AAK1: variants seen among roughly 807,000 people sequenced by gnomAD.
AAK1 encodes the protein AP2 associated kinase 1, also known as AP2-associated protein kinase 1.
In AAK1, 37 loss-of-function variants were observed where a neutral mutation model predicts 116.0. That is an observed-to-expected ratio of 0.32 (90% CI 0.25 to 0.42). The LOEUF is 0.42. Among genes scored for constraint, AAK1 ranks in the 10% least tolerant of loss-of-function variants. AAK1 has a pLI of 1.00. For synonymous variants in AAK1, 458 were observed against 439.9 expected, an observed-to-expected ratio of 1.04 and a Z score of -0.51; for missense variants, 919 against 1,170.6, an observed-to-expected ratio of 0.79 and a Z score of 3.14.
intron 2 of AAK1, among the ~76,000 whole-genome samples, chr2:69,596,748 C>T (rs1292028832): frequency 6.6e-6 from 1 of 152,196 alleles, no homozygotes; most frequent in Admixed American, 6.5e-5. Context: ...GTTCCCTGCT[C>T]AGGTGAGTGC....
chr2:69,621,915 G>A (rs1048621455), intron 2 of AAK1, among the ~76,000 whole-genome samples: 6 of 152,218 alleles, frequency 3.9e-5, no homozygotes, highest in Admixed American at 6.5e-5. Context: ...AGGTGACAGC[G>A]TGCTGGCAGC....
At chr2:69,529,456 C>T (rs1286860706) in intron 8 of AAK1, among the ~76,000 whole-genome samples, 5 of 151,898 alleles carry the variant, frequency 3.3e-5, no homozygotes, top group Non-Finnish European at 7.4e-5. Flanking sequence ...AATGTTAGTA[C>T]ATATGCTTGC....
chr2:69,590,322 C>T (rs1316071761), intron 2 of AAK1, among the ~76,000 whole-genome samples: 2 of 152,242 alleles, frequency 1.3e-5, no homozygotes, highest in Non-Finnish European at 2.9e-5. Context: ...TCCGTAGCAG[C>T]AGAAATGCTA....
intron 2 of AAK1, among the ~76,000 whole-genome samples, chr2:69,586,931 C>A (rs922435872): frequency 2.0e-5 from 3 of 152,230 alleles, no homozygotes; most frequent in Admixed American, 6.5e-5. Flanking sequence ...GCTGTGAGAA[C>A]CAATGCACCA....
At position 69,470,398 on chromosome 2, in the gene AAK1, T is replaced by C. The variant is rs1316603994; in HGVS notation, c.*5471A>G. 3.0e-6 allele frequency: 3 copies of C among 985,318 alleles called. No homozygotes were observed. Among genetic ancestry groups the C allele is most frequent in the Non-Finnish European group, 3.6e-6 (3 of 829,942 alleles). 61.0% of individuals were successfully genotyped at this position (985,318 alleles called of 1,614,324 possible). ...ACGTACATCAAACTAATAATTACCATGACCTTCTAGCTCACATAACAAAAT... is the reference window on the plus strand; with the variant it reads ...ACGTACATCAAACTAATAATTACCACGACCTTCTAGCTCACATAACAAAAT... On this transcript the variant is annotated 3_prime_UTR_variant, in exon 22 of 22. Coordinates refer to ENST00000409085, the MANE Select transcript of AAK1 (RefSeq NM_014911.5).
At chr2:69,577,873 G>A (rs945117597) in intron 2 of AAK1, among the ~76,000 whole-genome samples, 1 of 152,200 alleles carries the variant, frequency 6.6e-6, no homozygotes, top group Non-Finnish European at 1.5e-5. Context: ...TGGTGGAGAT[G>A]GTGGACTTAT....
At chr2:69,502,669 G>A (rs757726012) in intron 16 of AAK1, among the ~76,000 whole-genome samples, 4 of 151,876 alleles carry the variant, frequency 2.6e-5, no homozygotes, top group African/African-American at 9.7e-5. Context: ...TACAGTCTTT[G>A]GCCTGGGCTG....
intron 2 of AAK1, among the ~76,000 whole-genome samples, chr2:69,591,517 C>CTTTTTTT (rs200675453): frequency 2.1e-4 from 28 of 135,060 alleles, no homozygotes; most frequent in African/African-American, 6.0e-4. Context: ...TTCTTTTTTT[C>CTTTTTTT]TTTTTCTTTT....
At chr2:69,526,970 A>C (rs1360586422) in intron 9 of AAK1, among the ~76,000 whole-genome samples, 1 of 152,192 alleles carries the variant, frequency 6.6e-6, no homozygotes, top group Non-Finnish European at 1.5e-5. Flanking sequence ...ATCTTCATCC[A>C]AAGCGTCCAA....
chr2:69,461,499 CAAAAAA>C lies in AAK1; in HGVS notation c.*14364_*14369del. 3 of 156,930 alleles carry C rather than the reference CAAAAAA, an allele frequency of 1.9e-5. No individual in the cohort carries two copies. The highest frequency in any genetic ancestry group is 3.9e-5 in the Non-Finnish European group (3 of 76,802). The allele number at this position is 156,930 out of a possible 1,614,324, so 9.7% of individuals were successfully genotyped here. ...AAGTCAAAGTTTTTTCATGCATCAC[CAAAAAA>C]AAAAAAAAAAGTAATTTGCATGTGT... On this transcript the variant is annotated 3_prime_UTR_variant, in exon 22 of 22. Transcript: ENST00000409085.
chr2:69,621,148 T>G (rs1002338843), intron 2 of AAK1, among the ~76,000 whole-genome samples: 6 of 152,138 alleles, frequency 3.9e-5, no homozygotes, highest in Admixed American at 3.9e-4. Context: ...TGCTGGGATG[T>G]TCTGAATTCA....
intron 2 of AAK1, among the ~76,000 whole-genome samples, chr2:69,582,973 T>C (rs1221501196): frequency 6.6e-6 from 1 of 152,148 alleles, no homozygotes; most frequent in Non-Finnish European, 1.5e-5. Flanking sequence ...CATATGTAAC[T>C]GCCACAGCCA....
chr2:69,514,894 T>A, intron 12 of AAK1, 145 bp from the exon 13 acceptor site: 1 of 864,770 alleles, frequency 1.2e-6, no homozygotes, highest in South Asian at 1.9e-5. Context: ...TAAAATCTCA[T>A]GATAGAGACC....
chr2:69,572,620 TAA>T lies in AAK1; in HGVS notation c.164-15644_164-15643del, dbSNP rs768419313. 5.0e-3 allele frequency among the ~76,000 whole-genome samples: 539 copies of T among 106,842 alleles called. 4 individuals are homozygous for T. Among genetic ancestry groups the T allele is most frequent in the African/African-American group, 0.012 (332 of 28,332 alleles). 70.1% of individuals were successfully genotyped at this position (106,842 alleles called of 152,430 possible). A position where few individuals can be genotyped will look rare whatever the true frequency, so the allele number is the denominator to read the frequency against. ...GGCAACAAAAACGAAACTCTGTCTTTAAAAAAAAAAAAAAAAAAAAAAAGCAT... is the reference window on the plus strand; with the variant it reads ...GGCAACAAAAACGAAACTCTGTCTTTAAAAAAAAAAAAAAAAAAAAAGCAT... On this transcript the variant is annotated intron_variant, in intron 2 of 21. Transcript: ENST00000409085.
At chr2:69,609,172 G>A (rs1673946885) in intron 2 of AAK1, among the ~76,000 whole-genome samples, 1 of 152,114 alleles carries the variant, frequency 6.6e-6, no homozygotes, top group African/African-American at 2.4e-5. Context: ...GGCCAGCCTG[G>A]CCAACATAGT....
chr2:69,500,087 C>G (rs1675912042), intron 16 of AAK1: 1 of 152,316 alleles, frequency 6.6e-6, no homozygotes, highest in East Asian at 1.9e-4. Context: ...CCGTGCCATC[C>G]TCCCGAACCC....
chr2:69,467,062 A>C lies in AAK1; in HGVS notation c.*8807T>G, dbSNP rs1274229710. On this transcript the variant is annotated 3_prime_UTR_variant, in exon 22 of 22. Transcript: ENST00000409085. Reference sequence around the variant, plus strand: ...GTGGCTGCTTGATAAATGCAAGTTTACTTGATGACTTACATCACAAGCACT... The same window carrying C: ...GTGGCTGCTTGATAAATGCAAGTTTCCTTGATGACTTACATCACAAGCACT... 1.0e-6 allele frequency: 1 copy of C among 985,344 alleles called. No homozygotes were observed. The highest frequency in any genetic ancestry group is 1.2e-6 in the Non-Finnish European group (1 of 829,940). 61.0% of individuals were successfully genotyped at this position (985,344 alleles called of 1,614,324 possible).
chr2:69,476,061 C>T lies in AAK1; in HGVS notation c.2792-98G>A, dbSNP rs1003908202. On this transcript the variant is annotated intron_variant, in intron 21 of 21. Transcript: ENST00000409085. ...AAGAAAAACCAAACCAAAACCAAAA[C>T]CAAAACAAAAAAAAACCAAAAAAAC... The T allele has an allele frequency of 2.0e-6, 3 of 1,475,764 alleles. No homozygotes were observed. The Admixed American group carries it at 7.8e-5, about 38-fold the overall frequency. The allele number at this position is 1,475,764 out of a possible 1,614,324, so 91.4% of individuals were successfully genotyped here.
At chr2:69,504,206 G>A (rs908422061) in intron 16 of AAK1, among the ~76,000 whole-genome samples, 1 of 151,338 alleles carries the variant, frequency 6.6e-6, no homozygotes, top group African/African-American at 2.4e-5. Context: ...AGACTAGCAT[G>A]GCCAACATGG....
Sources: gnomAD v4.1 joint callset for allele counts (sites outside exome capture counted in the v4.1 genomes callset) on GRCh38, gnomAD v4.1.1 for gene constraint, MANE v1.5 for transcripts, NCBI Gene and HGNC (gene_info 2026-07-23, HGNC 2026-07-21) for gene names.